PATJ: variants seen among roughly 807,000 people sequenced by gnomAD.
PATJ encodes the protein inaD-like protein.
In PATJ, 190 loss-of-function variants were observed where a neutral mutation model predicts 224.9. The ratio of observed to expected loss-of-function variants is 0.84; its 90% confidence interval spans 0.75 to 0.95. The LOEUF (loss-of-function observed/expected upper bound fraction) is 0.95. Ranked by LOEUF, PATJ falls within the 40% of genes least tolerant of loss-of-function variation. The probability of loss-of-function intolerance (pLI) is 0.00; values close to 1 mark genes in which losing one functional copy is unlikely to be tolerated. For missense variants in PATJ, 2,121 were observed against 2,270.3 expected, an observed-to-expected ratio of 0.93 and a Z score of 1.34; for synonymous variants, 769 against 820.3, an observed-to-expected ratio of 0.94 and a Z score of 1.07.
At chr1:62,142,315 CTG>C (rs1667584025) in intron 41 of PATJ, among the ~76,000 whole-genome samples, 1 of 152,112 alleles carries the variant, frequency 6.6e-6, no homozygotes, top group African/African-American at 2.4e-5. Context: ...TCCTAGCAAA[CTG>C]TGCCATTCCA....
intron 8 of PATJ, among the ~76,000 whole-genome samples, chr1:61,789,681 ACACG>A (rs1474056313): frequency 6.6e-6 from 1 of 152,082 alleles, no homozygotes; most frequent in Admixed American, 6.6e-5. Flanking sequence ...GATTGGTGGC[ACACG>A]CTTGTAATTC....
At chr1:61,950,344 G>A (rs887227896) in intron 27 of PATJ, among the ~76,000 whole-genome samples, 2 of 152,154 alleles carry the variant, frequency 1.3e-5, no homozygotes, top group African/African-American at 4.8e-5. Flanking sequence ...TGATTAATTT[G>A]CCCCAAACCA....
intron 42 of PATJ, among the ~76,000 whole-genome samples, chr1:62,153,104 TTATC>T (rs1315510724): frequency 6.6e-6 from 1 of 152,156 alleles, no homozygotes; most frequent in African/African-American, 2.4e-5. Context: ...CATCATGACT[TTATC>T]TTTAATTAGC....
chr1:61,881,267 C>T (rs1043282195), intron 21 of PATJ, among the ~76,000 whole-genome samples: 8 of 152,008 alleles, frequency 5.3e-5, no homozygotes, highest in Non-Finnish European at 8.8e-5. Flanking sequence ...AGGCAGGTAG[C>T]GGAGACATTC....
In PATJ at chr1:61,925,838, T is replaced by G. The variant is rs894569221; in HGVS notation, c.3571-1892T>G. ...GAGAGTGAAGTGCTATTGAAGAGAG[T>G]GCTAAAAGAAAGAATGCTTAAGATT... On this transcript the variant is annotated intron_variant, in intron 26 of 43. Coordinates refer to ENST00000642238, the MANE Select transcript of PATJ (RefSeq NM_001350145.3). Among the ~76,000 whole-genome samples, 9 of 152,042 alleles carry G rather than the reference T, an allele frequency of 5.9e-5. No homozygotes were observed. The South Asian group carries it at 1.5e-3, about 25-fold the overall frequency.
At chr1:61,778,676 T>C (rs1411243018) in intron 7 of PATJ, among the ~76,000 whole-genome samples, 1 of 152,066 alleles carries the variant, frequency 6.6e-6, no homozygotes, top group Non-Finnish European at 1.5e-5. Flanking sequence ...TGTAAAAATA[T>C]TAAACAGTCC....
intron 17 of PATJ, among the ~76,000 whole-genome samples, chr1:61,851,575 G>T (rs143860580): frequency 6.6e-6 from 1 of 152,154 alleles, no homozygotes; most frequent in East Asian, 1.9e-4. Flanking sequence ...TTCCTTCCAC[G>T]AAGAATAAAG....
chr1:61,873,232 A>G (rs1408080190), intron 20 of PATJ, among the ~76,000 whole-genome samples: 2 of 152,228 alleles, frequency 1.3e-5, no homozygotes, highest in East Asian at 3.9e-4. Context: ...GAGTGTCATG[A>G]TCACAGCTCA....
chr1:62,056,398 C>G (rs1654543119), intron 31 of PATJ, among the ~76,000 whole-genome samples: 1 of 152,062 alleles, frequency 6.6e-6, no homozygotes, highest in Non-Finnish European at 1.5e-5. Context: ...CACAGTGGCT[C>G]CAGTTTGTAA....
At chr1:61,787,121 C>G (rs1406384050) in intron 7 of PATJ, among the ~76,000 whole-genome samples, 1 of 152,188 alleles carries the variant, frequency 6.6e-6, no homozygotes, top group Admixed American at 6.5e-5. Flanking sequence ...ATCTTTGCTT[C>G]TATTGTTTCC....
chr1:61,832,613 C>G lies in PATJ; in HGVS notation c.1981-1041C>G, dbSNP rs540705373. Among the ~76,000 whole-genome samples the G allele has an allele frequency of 5.3e-5, 8 of 152,202 alleles. No homozygotes were observed. In the East Asian group the frequency reaches 1.5e-3, roughly 29 times the overall value. ...AGGTAATTTTTAATGTATTGAACAA[C>G]TATTTATTGTGTGCCTACTATGAGC... On this transcript the variant is annotated intron_variant, in intron 16 of 43. Coordinates refer to ENST00000642238, the MANE Select transcript of PATJ (RefSeq NM_001350145.3).
intron 14 of PATJ, among the ~76,000 whole-genome samples, chr1:61,814,588 A>G (rs34879791): frequency 0.085 from 12,611 of 149,134 alleles, 680 homozygotes; most frequent in Non-Finnish European, 0.12. Flanking sequence ...AGGGGTGTGT[A>G]GTTTTTCCAT....
intron 30 of PATJ, among the ~76,000 whole-genome samples, chr1:62,041,513 G>A (rs1461117839): frequency 6.6e-6 from 1 of 152,170 alleles, no homozygotes; most frequent in Non-Finnish European, 1.5e-5. Context: ...GATCCTTGAT[G>A]TTTTGGAGGT....
intron 33 of PATJ, among the ~76,000 whole-genome samples, chr1:62,102,671 G>A (rs1369723222): frequency 6.6e-6 from 1 of 151,344 alleles, no homozygotes; most frequent in Non-Finnish European, 1.5e-5. Context: ...TGGGCAACAA[G>A]GCAAAACCCT....
intron 9 of PATJ, among the ~76,000 whole-genome samples, chr1:61,794,723 C>T (rs1322257706): frequency 6.6e-6 from 1 of 152,000 alleles, no homozygotes; most frequent in Non-Finnish European, 1.5e-5. Flanking sequence ...CGTGGTGACT[C>T]ACACCTGTAA....
At chr1:61,827,733 G>A (rs1658530233) in intron 16 of PATJ, 150 bp downstream of exon 16, 2 of 572,506 alleles carry the variant, frequency 3.5e-6, no homozygotes, top group Non-Finnish European at 5.5e-6. Context: ...TTTTCAAATT[G>A]TTACTCTTCA....
chr1:61,819,570 TG>T (rs2148703771), intron 14 of PATJ, among the ~76,000 whole-genome samples: 1 of 149,734 alleles, frequency 6.7e-6, no homozygotes, highest in South Asian at 2.2e-4. Flanking sequence ...AGTGGTATGC[TG>T]GTAAGTTTCT....
chr1:61,898,536 C>T (rs1360475224), intron 22 of PATJ, among the ~76,000 whole-genome samples: 2 of 152,000 alleles, frequency 1.3e-5, no homozygotes, highest in Non-Finnish European at 2.9e-5. Flanking sequence ...CCACACCTGG[C>T]CAAGGGTTTT....
chr1:61,934,346 G>A (rs1230119588), intron 27 of PATJ, among the ~76,000 whole-genome samples: 12 of 152,192 alleles, frequency 7.9e-5, no homozygotes, highest in African/African-American at 2.4e-4. Flanking sequence ...TTGAACTCCC[G>A]ACCTCAGGTG....
Sources: gnomAD v4.1 joint callset for allele counts (sites outside exome capture counted in the v4.1 genomes callset) on GRCh38, gnomAD v4.1.1 for gene constraint, MANE v1.5 for transcripts, NCBI Gene and HGNC (gene_info 2026-07-23, HGNC 2026-07-21) for gene names.